The following UNC5C variants were observed in gnomAD, a reference collection of about 807,000 sequenced individuals.
UNC5C encodes unc-5 netrin receptor C, also known as netrin receptor UNC5C.
In UNC5C, 47 loss-of-function variants were observed where a neutral mutation model predicts 99.8. That is an observed-to-expected ratio of 0.47 (90% CI 0.37 to 0.60). The LOEUF (loss-of-function observed/expected upper bound fraction) is 0.60, where lower values mean the gene tolerates loss of function less well. UNC5C is among the 20% of genes least tolerant of loss of function. The pLI, the probability that UNC5C is intolerant of heterozygous loss-of-function variation, is 0.00. For missense variants in UNC5C, 1,062 were observed against 1,165.9 expected (o/e 0.91, Z 1.30); for synonymous variants, 487 against 452.2 (o/e 1.08, Z -0.98).
Position 95,174,868 on chromosome 4 carries a change from G to T in UNC5C, c.2452-4536C>A, listed in dbSNP as rs374698059. Among the ~76,000 whole-genome samples, 51 of 149,882 alleles carry T rather than the reference G, an allele frequency of 3.4e-4. 2 individuals carry two copies. In the East Asian group the frequency reaches 4.7e-3, roughly 14 times the overall value. On this transcript the variant is annotated intron_variant, in intron 14 of 15. Coordinates refer to ENST00000453304, the MANE Select transcript of UNC5C (RefSeq NM_003728.4). ...TGTTAAAATCTCCCATTATTAATGT[G>T]TGGGAGTCTAAGTCTCTTTGTAGGT...
chr4:95,515,952 A>G (rs1722206969), intron 1 of UNC5C, among the ~76,000 whole-genome samples: 1 of 152,236 alleles, frequency 6.6e-6, no homozygotes, highest in Non-Finnish European at 1.5e-5. Flanking sequence ...ATGTATGCAT[A>G]TATTAATGCT....
chr4:95,342,041 A>C (rs930257598), intron 1 of UNC5C, among the ~76,000 whole-genome samples: 3 of 152,162 alleles, frequency 2.0e-5, no homozygotes, highest in African/African-American at 7.2e-5. Context: ...CCATGGGCTA[A>C]GGGCTGTAAG....
At chr4:95,336,643 CT>C (rs1421678070) in intron 1 of UNC5C, among the ~76,000 whole-genome samples, 2 of 151,820 alleles carry the variant, frequency 1.3e-5, no homozygotes, top group Admixed American at 6.6e-5. Flanking sequence ...TGGCTTGGAA[CT>C]TTTTTCATTC....
At chr4:95,217,361 A>G (rs768888007) in intron 9 of UNC5C, among the ~76,000 whole-genome samples, 5 of 152,172 alleles carry the variant, frequency 3.3e-5, no homozygotes, top group Non-Finnish European at 5.9e-5. Flanking sequence ...TGAGAAGGAG[A>G]GTAATGTGAG....
chr4:95,531,667 A>G (rs1376852815), intron 1 of UNC5C, among the ~76,000 whole-genome samples: 1 of 152,222 alleles, frequency 6.6e-6, no homozygotes, highest in Non-Finnish European at 1.5e-5. Context: ...GAATTTTCAG[A>G]CAATAGTCAA....
intron 3 of UNC5C, among the ~76,000 whole-genome samples, chr4:95,298,656 C>T (rs1055865542): frequency 2.0e-5 from 3 of 152,100 alleles, no homozygotes; most frequent in South Asian, 2.1e-4. Context: ...ATTTTTTCTT[C>T]GTGGCACTTA....
intron 6 of UNC5C, among the ~76,000 whole-genome samples, chr4:95,243,722 G>A (rs1429226373): frequency 2.6e-5 from 4 of 152,130 alleles, no homozygotes; most frequent in African/African-American, 9.7e-5. Context: ...CATGAAAAAT[G>A]AGAAAAGCAT....
At chr4:95,446,608 G>A (rs1747113971) in intron 1 of UNC5C, among the ~76,000 whole-genome samples, 1 of 152,164 alleles carries the variant, frequency 6.6e-6, no homozygotes, top group African/African-American at 2.4e-5. Context: ...TCTAATGAAA[G>A]TGGCAGATCG....
intron 1 of UNC5C, among the ~76,000 whole-genome samples, chr4:95,500,001 T>G (rs952259708): frequency 1.3e-5 from 2 of 152,050 alleles, no homozygotes. Context: ...TTGGAAGACT[T>G]AATACACCTT....
chr4:95,299,061 C>T (rs1741775649), intron 3 of UNC5C, among the ~76,000 whole-genome samples: 3 of 152,118 alleles, frequency 2.0e-5, no homozygotes, highest in Admixed American at 1.3e-4. Flanking sequence ...TCCCATTCCC[C>T]CAAATTCTGA....
intron 1 of UNC5C, among the ~76,000 whole-genome samples, chr4:95,504,795 C>A (rs969771779): frequency 2.0e-5 from 3 of 151,996 alleles, no homozygotes; most frequent in Non-Finnish European, 4.4e-5. Context: ...TGTGTGCATA[C>A]CCTCATTAAT....
intron 1 of UNC5C, among the ~76,000 whole-genome samples, chr4:95,501,136 TCTTA>T (rs1375184294): frequency 6.6e-6 from 1 of 152,118 alleles, no homozygotes; most frequent in Non-Finnish European, 1.5e-5. Flanking sequence ...AAATTAATGT[TCTTA>T]CTTAAGTTCT....
chr4:95,179,412 A>AATT (rs1307859539), intron 14 of UNC5C, among the ~76,000 whole-genome samples: 17 of 152,374 alleles, frequency 1.1e-4, no homozygotes, highest in African/African-American at 4.1e-4. Context: ...TATAAAACTT[A>AATT]ATTATAATTG....
chr4:95,218,197 G>T (rs1209456257), intron 9 of UNC5C, among the ~76,000 whole-genome samples: 1 of 152,146 alleles, frequency 6.6e-6, no homozygotes, highest in Non-Finnish European at 1.5e-5. Flanking sequence ...AAAAGAATTA[G>T]ATAGATTTAG....
intron 1 of UNC5C, among the ~76,000 whole-genome samples, chr4:95,545,752 T>TCA (rs760524760): frequency 5.3e-4 from 76 of 142,636 alleles, no homozygotes; most frequent in Non-Finnish European, 8.1e-4. Context: ...CACACTGATC[T>TCA]CACACACACG....
chr4:95,391,210 C>T (rs1252673954), intron 1 of UNC5C, among the ~76,000 whole-genome samples: 3 of 152,126 alleles, frequency 2.0e-5, no homozygotes, highest in African/African-American at 7.2e-5. Context: ...ATGAATTACC[C>T]AGTCTCAGGT....
At chr4:95,315,719 T>A (rs1322252903) in intron 2 of UNC5C, among the ~76,000 whole-genome samples, 1 of 152,204 alleles carries the variant, frequency 6.6e-6, no homozygotes, top group Non-Finnish European at 1.5e-5. Context: ...GCAATGATAC[T>A]AGCACTAATA....
intron 1 of UNC5C, among the ~76,000 whole-genome samples, chr4:95,411,886 T>G (rs17023779): frequency 0.14 from 21,000 of 151,996 alleles, 1,700 homozygotes; most frequent in East Asian, 0.3. Context: ...AAGGACCTTC[T>G]CATTTCTTGC....
chr4:95,201,054 T>A (rs1377956214), intron 12 of UNC5C, among the ~76,000 whole-genome samples: 1 of 152,156 alleles, frequency 6.6e-6, no homozygotes, highest in East Asian at 1.9e-4. Flanking sequence ...TGTCAGCAGT[T>A]CCTCATCAGA....
Sources: gnomAD v4.1 joint callset for allele counts (sites outside exome capture counted in the v4.1 genomes callset) on GRCh38, gnomAD v4.1.1 for gene constraint, MANE v1.5 for transcripts, NCBI Gene and HGNC (gene_info 2026-07-23, HGNC 2026-07-21) for gene names.